Variants in NCR2 observed in about 807,000 individuals in gnomAD.
The protein encoded by NCR2 is natural cytotoxicity triggering receptor 2.
In NCR2, 35 loss-of-function variants were observed where a neutral mutation model predicts 30.7. The ratio of observed to expected loss-of-function variants is 1.14; its 90% CI spans 0.87 to 1.51. NCR2 has a LOEUF of 1.51. Among genes scored for constraint, NCR2 ranks in the 40% most tolerant of loss-of-function variants. NCR2 has a pLI of 0.00. For synonymous variants in NCR2, 146 were observed against 134.8 expected, an observed-to-expected ratio of 1.08 and a Z score of -0.58; for missense variants, 316 against 328.9, an observed-to-expected ratio of 0.96 and a Z score of 0.30.
chr6:41,349,102 T>C (rs981063614), intron 4 of NCR2, among the ~76,000 whole-genome samples: 9 of 147,188 alleles, frequency 6.1e-5, no homozygotes, highest in Non-Finnish European at 1.1e-4. Flanking sequence ...AAATTTTTTA[T>C]ATTTTTATTT....
At chr6:41,338,260 G>T (rs1387316009) in intron 2 of NCR2, among the ~76,000 whole-genome samples, 1 of 152,036 alleles carries the variant, frequency 6.6e-6, no homozygotes, top group Admixed American at 6.6e-5. Context: ...TTTAAATTTG[G>T]CATGCAACAG....
chr6:41,342,037 C>A lies in NCR2; in HGVS notation c.532C>A (p.Pro178Thr), dbSNP rs1049010066. 1 of 1,613,852 alleles carries A rather than the reference C, an allele frequency of 6.2e-7. No homozygotes were observed. The highest frequency in any genetic ancestry group is 1.3e-5 in the African/African-American group (1 of 74,918). The change falls in exon 4 of 5, where the codon CCA (proline) becomes ACA (threonine). Residue 178 changes from proline (P) to threonine (T), a missense_variant and splice_region_variant. Pro to Thr is a conservative substitution (Grantham distance 38). Coordinates refer to ENST00000373089, the MANE Select transcript of NCR2 (RefSeq NM_004828.4). ...SPSTIPVPSQ[P>T]QNSTLRPGPA... Reference sequence around the variant, plus strand: ...CCTTCCTGTCCCTCTGCCTTCCAGGCCACAGAACTCCACGCTCCGCCCTGG... The same window carrying A: ...CCTTCCTGTCCCTCTGCCTTCCAGGACACAGAACTCCACGCTCCGCCCTGG...
chr6:41,343,139 C>G, intron 4 of NCR2: 1 of 862,348 alleles, frequency 1.2e-6, no homozygotes, highest in Non-Finnish European at 1.8e-6. Context: ...TTTAGCCACG[C>G]TCTCCCTGCA....
intron 2 of NCR2, 36 bp downstream of exon 2, chr6:41,336,464 C>T: frequency 6.4e-7 from 1 of 1,550,858 alleles, no homozygotes; most frequent in Non-Finnish European, 8.8e-7. Flanking sequence ...GAGGGGTGCC[C>T]CTCACCCCCT....
chr6:41,347,773 T>C (rs966430074), intron 4 of NCR2, among the ~76,000 whole-genome samples: 1 of 152,174 alleles, frequency 6.6e-6, no homozygotes, highest in Non-Finnish European at 1.5e-5. Context: ...AACAACTTAG[T>C]TGGGTGTTCC....
rs190687539 is a variant in NCR2 at position 41,342,483 on chromosome 6, C to T, written c.644+334C>T. On this transcript the variant is annotated intron_variant, in intron 4 of 4. Transcript: ENST00000373089. Reference sequence around the variant, plus strand: ...CCCTCCCTCTTTCCCATTCCACCCCCTTCCTCTCTCCCTGTCTCTCTACCC... The same window carrying T: ...CCCTCCCTCTTTCCCATTCCACCCCTTTCCTCTCTCCCTGTCTCTCTACCC... Among the ~76,000 whole-genome samples, 713 of 151,248 alleles carry T rather than the reference C, an allele frequency of 4.7e-3. 5 individuals carry two copies. Among genetic ancestry groups the T allele is most frequent in the Admixed American group, 7.1e-3 (107 of 15,164 alleles).
chr6:41,340,717 T>C (rs1225059843), intron 2 of NCR2, among the ~76,000 whole-genome samples: 1 of 152,142 alleles, frequency 6.6e-6, no homozygotes, highest in East Asian at 1.9e-4. Context: ...TTACAGACAA[T>C]TTGTAGACCA....
rs1769016971 is a variant in NCR2, at chr6:41,336,151, A to T, written c.117A>T (p.Arg39Ser). The T allele has an allele frequency of 6.2e-7, 1 of 1,614,140 alleles. No homozygotes were observed. ...QSVAGQTLTV[R>S]CQYPPTGSLY... ...TGGCAGGGCAGACGCTAACCGTGAG[A>T]TGCCAGTACCCGCCCACGGGCAGTC... Residue 39 changes from arginine (R) to serine (S), a missense_variant, in exon 2 of 5, where the codon AGA becomes AGT. Coordinates refer to ENST00000373089, the MANE Select transcript of NCR2 (RefSeq NM_004828.4).
chr6:41,346,692 G>A (rs538799185), intron 4 of NCR2, among the ~76,000 whole-genome samples: 30 of 152,256 alleles, frequency 2.0e-4, no homozygotes, highest in African/African-American at 6.0e-4. Flanking sequence ...CTGTCAGCAC[G>A]TGACCTTGAG....
At chr6:41,344,035 C>G (rs981971117) in intron 4 of NCR2, among the ~76,000 whole-genome samples, 3 of 152,176 alleles carry the variant, frequency 2.0e-5, no homozygotes, top group Non-Finnish European at 2.9e-5. Flanking sequence ...CCTTTCCAAG[C>G]CCCTTCACCT....
chr6:41,343,627 GA>G (rs1382018965), intron 4 of NCR2, among the ~76,000 whole-genome samples: 1 of 152,244 alleles, frequency 6.6e-6, no homozygotes, highest in Admixed American at 6.5e-5. Flanking sequence ...GTTGTAGAGA[GA>G]AAAAAAGACT....
intron 2 of NCR2, 89 bp downstream of exon 2, chr6:41,336,517 A>G: frequency 9.3e-7 from 1 of 1,069,534 alleles, no homozygotes; most frequent in Non-Finnish European, 1.4e-6. Flanking sequence ...CGTGGAAGCC[A>G]CCCATGCCCA....
At position 41,336,145 on chromosome 6, in the gene NCR2, C is replaced by T. The variant is rs767742571; in HGVS notation, c.111C>T (p.Thr37=). Reference sequence around the variant, plus strand: ...AAAGTGTGGCAGGGCAGACGCTAACCGTGAGATGCCAGTACCCGCCCACGG... The same window carrying T: ...AAAGTGTGGCAGGGCAGACGCTAACTGTGAGATGCCAGTACCCGCCCACGG... The part of the protein sequence containing the change: ...VLQSVAGQTL[T]VRCQYPPTGS... Residue 37 remains threonine, a synonymous_variant, in exon 2 of 5, where the codon ACC becomes ACT. Transcript: ENST00000373089. 5.6e-5 allele frequency: 90 copies of T among 1,614,098 alleles called. No individual in the cohort carries two copies. Among genetic ancestry groups the T allele is most frequent in the Non-Finnish European group, 6.3e-5 (74 of 1,180,028 alleles).
chr6:41,346,597 T>G (rs60156460), intron 4 of NCR2, among the ~76,000 whole-genome samples: 3,939 of 152,276 alleles, frequency 0.026, 147 homozygotes, highest in African/African-American at 0.086. Flanking sequence ...TGAACCTAGC[T>G]TCCTGCTTAC....
At chr6:41,349,197 C>T (rs10947965) in intron 4 of NCR2, among the ~76,000 whole-genome samples, 104,905 of 147,094 alleles carry the variant, frequency 0.71, 38,156 homozygotes, top group East Asian at 0.86. Context: ...CATATATTAT[C>T]ATGTATATAA....
In NCR2 at chr6:41,335,798, A is replaced by C. The variant is rs1769003381; in HGVS notation, c.-79A>C. On this transcript the variant is annotated 5_prime_UTR_variant, in exon 1 of 5. Coordinates refer to ENST00000373089, the MANE Select transcript of NCR2 (RefSeq NM_004828.4). Reference sequence around the variant, plus strand: ...ATCAGACGTGCTGGAAGAGCAGCAGAATCAGGCCCAGCTCCCAATTCCCTC... The same window carrying C: ...ATCAGACGTGCTGGAAGAGCAGCAGCATCAGGCCCAGCTCCCAATTCCCTC... 1.4e-6 allele frequency: 2 copies of C among 1,448,712 alleles called. No homozygotes were observed. Among genetic ancestry groups the C allele is most frequent in the African/African-American group, 2.8e-5 (2 of 71,204 alleles). 89.7% of individuals were successfully genotyped at this position (1,448,712 alleles called of 1,614,324 possible).
At chr6:41,343,543 A>G (rs1769227601) in intron 4 of NCR2, among the ~76,000 whole-genome samples, 1 of 152,244 alleles carries the variant, frequency 6.6e-6, no homozygotes, top group South Asian at 2.1e-4. Context: ...TTATCTGAGC[A>G]AAGAACGATT....
At chr6:41,347,800 T>C (rs554371678) in intron 4 of NCR2, among the ~76,000 whole-genome samples, 34 of 152,294 alleles carry the variant, frequency 2.2e-4, no homozygotes, top group African/African-American at 8.2e-4. Context: ...AGAACCTCTC[T>C]GGTGTCGCAG....
chr6:41,337,924 T>G (rs1401903038), intron 2 of NCR2, among the ~76,000 whole-genome samples: 1 of 152,182 alleles, frequency 6.6e-6, no homozygotes, highest in Non-Finnish European at 1.5e-5. Flanking sequence ...AAAACGAAAT[T>G]CAAAACATGC....
Sources: gnomAD v4.1 joint callset for allele counts (sites outside exome capture counted in the v4.1 genomes callset) on GRCh38, gnomAD v4.1.1 for gene constraint, MANE v1.5 for transcripts, NCBI Gene and HGNC (gene_info 2026-07-23, HGNC 2026-07-21) for gene names.